Variants in LRP2 observed in about 807,000 individuals in gnomAD.
LRP2 encodes the protein LDL receptor related protein 2, also known as low-density lipoprotein receptor-related protein 2.
LRP2 carries 172 observed loss-of-function variants against 531.0 expected under a neutral mutation model. That is an observed-to-expected ratio of 0.32 (90% CI 0.29 to 0.37). The LOEUF (loss-of-function observed/expected upper bound fraction) is 0.37, where lower values mean the gene tolerates loss of function less well. Among genes scored for constraint, LRP2 ranks in the 10% least tolerant of loss-of-function variants. The probability of loss-of-function intolerance (pLI) is 1.00; values close to 1 mark genes in which losing one functional copy is unlikely to be tolerated. For missense variants in LRP2, 5,167 were observed against 5,868.3 expected, an observed-to-expected ratio of 0.88 and a Z score of 3.90; for synonymous variants, 1,992 against 2,027.6, an observed-to-expected ratio of 0.98 and a Z score of 0.47.
chr2:169,292,832 CAAAAAAAAAAAAAAA>C (rs59783436), intron 6 of LRP2, among the ~76,000 whole-genome samples: 2 of 107,060 alleles, frequency 1.9e-5, no homozygotes, highest in African/African-American at 6.8e-5. Context: ...GACCCTGTCT[CAAAAAAAAAAAAAAA>C]AAAAAAAAAA....
At chr2:169,167,863 T>C (rs1686839485) in intron 61 of LRP2, among the ~76,000 whole-genome samples, 3 of 151,374 alleles carry the variant, frequency 2.0e-5, no homozygotes, top group Admixed American at 2.0e-4. Context: ...CTAAGAAGCC[T>C]TTTAAAAATA....
intron 71 of LRP2, among the ~76,000 whole-genome samples, chr2:169,141,396 C>T (rs1414737329): frequency 6.6e-6 from 1 of 152,162 alleles, no homozygotes; most frequent in African/African-American, 2.4e-5. Context: ...TTATTGTCCT[C>T]TTAGAATGTA....
chr2:169,235,423 G>C (rs578119660), intron 29 of LRP2, among the ~76,000 whole-genome samples: 1 of 152,046 alleles, frequency 6.6e-6, no homozygotes, highest in Non-Finnish European at 1.5e-5. Context: ...GTTTTTAGTA[G>C]AGATGAGGTT....
chr2:169,155,448 T>G (rs1400000734), intron 65 of LRP2, among the ~76,000 whole-genome samples: 1 of 152,208 alleles, frequency 6.6e-6, no homozygotes, highest in East Asian at 1.9e-4. Context: ...TATGTAAGTA[T>G]GCTAGTCAAA....
At chr2:169,246,635 A>G (rs1217934795) in intron 21 of LRP2, 70 bp downstream of exon 21, 2 of 1,558,094 alleles carry the variant, frequency 1.3e-6, no homozygotes, top group Non-Finnish European at 1.8e-6. Context: ...CCAAGCTTTT[A>G]TTTATTTTCT....
chr2:169,190,015 T>A (rs1687776656), intron 48 of LRP2, among the ~76,000 whole-genome samples: 1 of 152,168 alleles, frequency 6.6e-6, no homozygotes, highest in African/African-American at 2.4e-5. Context: ...GGAGATAACT[T>A]GGAGTCTGAT....
Position 169,290,903 on chromosome 2 carries a change from C to A in LRP2, c.864G>T (p.Gly288=). 1 of 1,614,130 alleles carries A rather than the reference C, an allele frequency of 6.2e-7. No homozygotes were observed. Among genetic ancestry groups the A allele is most frequent in the Non-Finnish European group, 8.5e-7 (1 of 1,180,000 alleles). The stretch of plus-strand genomic sequence containing the variant: ...CTTCTCTTCCTGGGCAATCTAAAAT[C>A]CCATCACAAACTTTATAAATGGAGA... ...RCISIYKVCD[G]ILDCPGREDE... The change falls in exon 8 of 79, where the codon GGG becomes GGT. Residue 288 remains glycine (G), a synonymous_variant. Transcript: ENST00000649046.
intron 43 of LRP2, among the ~76,000 whole-genome samples, 154 bp from the exon 44 acceptor site, chr2:169,202,024 TTTAA>T (rs1331869636): frequency 7.4e-4 from 112 of 152,338 alleles, no homozygotes; most frequent in Non-Finnish European, 1.5e-5. Context: ...AGATAACACT[TTTAA>T]TTAGTTAGAT....
chr2:169,208,464 T>C (rs1688475141), intron 38 of LRP2, among the ~76,000 whole-genome samples: 1 of 152,204 alleles, frequency 6.6e-6, no homozygotes, highest in Admixed American at 6.5e-5. Context: ...TTTTAAATTT[T>C]TTTTTAATTC....
intron 31 of LRP2, among the ~76,000 whole-genome samples, chr2:169,230,539 T>C (rs549632104): frequency 3.3e-5 from 5 of 152,354 alleles, no homozygotes; most frequent in Non-Finnish European, 5.9e-5. Flanking sequence ...TATTATCTCT[T>C]AATTTAGGAA....
chr2:169,182,103 T>G (rs1484701954), intron 51 of LRP2, 64 bp downstream of exon 51: 23 of 1,602,888 alleles, frequency 1.4e-5, no homozygotes, highest in Non-Finnish European at 1.9e-5. Flanking sequence ...ATGAACAGCC[T>G]TCTCGGTAAC....
At chr2:169,187,609 CCAA>C (rs1266326356) in intron 49 of LRP2, among the ~76,000 whole-genome samples, 1 of 152,122 alleles carries the variant, frequency 6.6e-6, no homozygotes, top group African/African-American at 2.4e-5. Flanking sequence ...GAAGAACAGG[CCAA>C]CGAGTTCTAG....
In LRP2 at chr2:169,361,357, TCTCTCTCTCTCTCTCTCTCC is replaced by T. The variant is rs1489317139; in HGVS notation, c.79+944_79+963del. ...CTCTCTCTGTCTCTCTCTGTCTCTC[TCTCTCTCTCTCTCTCTCTCC>T]CTCTCTCTCTCTCTCTCTGTCTCTC... On this transcript the variant is annotated intron_variant, in intron 1 of 78. Transcript: ENST00000649046. 5.9e-4 allele frequency among the ~76,000 whole-genome samples: 57 copies of T among 96,056 alleles called. 1 individual carries two copies. The highest frequency in any genetic ancestry group is 1.2e-3 in the African/African-American group (34 of 27,334). The allele number at this position is 96,056 out of a possible 152,430, so 63.0% of individuals were successfully genotyped here.
intron 19 of LRP2, among the ~76,000 whole-genome samples, chr2:169,251,680 C>T (rs1448978069): frequency 3.8e-5 from 3 of 79,186 alleles, no homozygotes; most frequent in Non-Finnish European, 6.7e-5. Context: ...AAAAACCCTT[C>T]AAAAAATCAA....
At chr2:169,340,367 T>A (rs1381093809) in intron 1 of LRP2, among the ~76,000 whole-genome samples, 1 of 152,180 alleles carries the variant, frequency 6.6e-6, no homozygotes, top group African/African-American at 2.4e-5. Context: ...ACTTTAACAT[T>A]CATTTGCCTC....
At chr2:169,357,266 CT>C (rs60783368) in intron 1 of LRP2, among the ~76,000 whole-genome samples, 34,317 of 143,368 alleles carry the variant, frequency 0.24, 4,985 homozygotes, top group African/African-American at 0.4. Flanking sequence ...ACTTTCTTTT[CT>C]TTTTTTTTTC....
intron 48 of LRP2, among the ~76,000 whole-genome samples, chr2:169,191,609 A>G (rs938073134): frequency 6.6e-6 from 1 of 152,042 alleles, no homozygotes; most frequent in African/African-American, 2.4e-5. Context: ...ATGCAATCAT[A>G]TTGGTATAAA....
At position 169,226,541 on chromosome 2, in the gene LRP2, T is replaced by C. The variant is rs1171305395; in HGVS notation, c.5275A>G (p.Ile1759Val). 1.9e-6 allele frequency: 3 copies of C among 1,612,978 alleles called. No individual in the cohort carries two copies. The Admixed American group carries it at 5.0e-5, about 27-fold the overall frequency. Residue 1759 changes from isoleucine (I) to valine (V), a missense_variant, in exon 32 of 79, where the codon ATC becomes GTC. Coordinates refer to ENST00000649046, the MANE Select transcript of LRP2 (RefSeq NM_004525.3). ...ITVRQHIIFG[I>V]SLNPEVKSND... Reference sequence around the variant, plus strand: ...CTCTTCACCTCAGGATTAAGGGAGATTCCAAAAATTATATGTTGCCTTACA... The same window carrying C: ...CTCTTCACCTCAGGATTAAGGGAGACTCCAAAAATTATATGTTGCCTTACA...
chr2:169,194,958 C>T (rs1381048417), intron 46 of LRP2, among the ~76,000 whole-genome samples: 1 of 151,212 alleles, frequency 6.6e-6, no homozygotes, highest in Non-Finnish European at 1.5e-5. Flanking sequence ...ATCCGCCTGC[C>T]TTGGCCTCCC....
Sources: gnomAD v4.1 joint callset for allele counts (sites outside exome capture counted in the v4.1 genomes callset) on GRCh38, gnomAD v4.1.1 for gene constraint, MANE v1.5 for transcripts, NCBI Gene and HGNC (gene_info 2026-07-23, HGNC 2026-07-21) for gene names.